EHBP1: variants seen among roughly 807,000 people sequenced by gnomAD.
The protein encoded by EHBP1 is EH domain binding protein 1.
EHBP1 carries 55 observed loss-of-function variants against 144.0 expected under a neutral mutation model. The observed-to-expected ratio is 0.38, with a 90% CI of 0.31 to 0.48. The LOEUF (loss-of-function observed/expected upper bound fraction) is 0.48. Among genes scored for constraint, EHBP1 ranks in the 20% least tolerant of loss-of-function variants. The probability of loss-of-function intolerance (pLI) is 0.98; values close to 1 mark genes in which losing one functional copy is unlikely to be tolerated. For missense variants in EHBP1, 1,200 were observed against 1,364.2 expected, an observed-to-expected ratio of 0.88 and a Z score of 1.90; for synonymous variants, 469 against 472.7, an observed-to-expected ratio of 0.99 and a Z score of 0.10.
Position 62,707,303 on chromosome 2 carries a change from G to A in EHBP1, c.104+8G>A, listed in dbSNP as rs1558524652. ...TGAGTGTACGAAGAAATGGTAAGAT[G>A]TACCTGGAGGTAGATTTTGCTGTGC... On this transcript the variant is annotated splice_region_variant and intron_variant, in intron 2 of 22. Coordinates refer to ENST00000431489, the MANE Select transcript of EHBP1 (RefSeq NM_001142616.3). 6.2e-7 allele frequency: 1 copy of A among 1,600,914 alleles called. No individual in the cohort carries two copies. The highest frequency in any genetic ancestry group is 8.6e-7 in the Non-Finnish European group (1 of 1,167,982).
chr2:62,900,860 C>T (rs2053360397), intron 10 of EHBP1, among the ~76,000 whole-genome samples: 1 of 151,942 alleles, frequency 6.6e-6, no homozygotes, highest in Non-Finnish European at 1.5e-5. Flanking sequence ...GAAATATCTT[C>T]TTGGAAAGTA....
intron 5 of EHBP1, among the ~76,000 whole-genome samples, chr2:62,823,675 A>C (rs2046147118): frequency 6.6e-6 from 1 of 152,012 alleles, no homozygotes; most frequent in Non-Finnish European, 1.5e-5. Context: ...AGATCCCCAT[A>C]TTTTCCCTCA....
chr2:62,762,555 T>C (rs2040847433), intron 3 of EHBP1, among the ~76,000 whole-genome samples: 1 of 152,184 alleles, frequency 6.6e-6, no homozygotes, highest in African/African-American at 2.4e-5. Flanking sequence ...TTGCCTCCTA[T>C]CTGTTAATAG....
intron 5 of EHBP1, among the ~76,000 whole-genome samples, chr2:62,805,841 T>C (rs1164464728): frequency 6.6e-6 from 1 of 152,186 alleles, no homozygotes; most frequent in Non-Finnish European, 1.5e-5. Flanking sequence ...GAGTTTCTTG[T>C]AGACAATATA....
chr2:62,699,934 T>C (rs1231531553), intron 1 of EHBP1, among the ~76,000 whole-genome samples: 3 of 152,226 alleles, frequency 2.0e-5, no homozygotes, highest in African/African-American at 7.2e-5. Flanking sequence ...TTCTAGATGC[T>C]GTGGAGCTGG....
intron 5 of EHBP1, among the ~76,000 whole-genome samples, chr2:62,818,588 C>T (rs2045623022): frequency 6.6e-6 from 1 of 151,964 alleles, no homozygotes; most frequent in Non-Finnish European, 1.5e-5. Flanking sequence ...GACTGTATAG[C>T]CTTAACTGCT....
At chr2:62,701,786 G>A (rs898925261), upstream of EHBP1, among the ~76,000 whole-genome samples, 1 of 152,058 alleles carries the variant, frequency 6.6e-6, no homozygotes, top group Non-Finnish European at 1.5e-5. Context: ...AAGTAAATTT[G>A]TCTGCTGTGG....
chr2:62,762,933 G>C (rs1376207418), intron 3 of EHBP1, among the ~76,000 whole-genome samples: 1 of 151,926 alleles, frequency 6.6e-6, no homozygotes, highest in African/African-American at 2.4e-5. Context: ...GACCTACCAG[G>C]GCCTTATATG....
chr2:62,775,037 A>G (rs2041959677), intron 5 of EHBP1, among the ~76,000 whole-genome samples: 1 of 152,162 alleles, frequency 6.6e-6, no homozygotes, highest in African/African-American at 2.4e-5. Context: ...ATGGAGAAAA[A>G]AGGAAGAGGG....
intron 8 of EHBP1, among the ~76,000 whole-genome samples, chr2:62,859,597 T>C (rs1484087600): frequency 1.3e-5 from 2 of 152,124 alleles, no homozygotes; most frequent in Non-Finnish European, 2.9e-5. Flanking sequence ...GGAGGTAGCT[T>C]CTCTATATGG....
intron 15 of EHBP1, among the ~76,000 whole-genome samples, chr2:62,981,516 T>A (rs1233237035): frequency 2.6e-5 from 4 of 152,160 alleles, no homozygotes; most frequent in Non-Finnish European, 5.9e-5. Flanking sequence ...GACTTGTAAG[T>A]GCTGGGAAGG....
chr2:62,997,316 A>G (rs1299059397), intron 19 of EHBP1, among the ~76,000 whole-genome samples: 1 of 152,114 alleles, frequency 6.6e-6, no homozygotes, highest in African/African-American at 2.4e-5. Context: ...TTGTAAAGAT[A>G]GGTTAGAGCA....
intron 10 of EHBP1, among the ~76,000 whole-genome samples, chr2:62,926,586 A>T (rs1281552507): frequency 6.6e-6 from 1 of 152,174 alleles, no homozygotes; most frequent in Non-Finnish European, 1.5e-5. Context: ...TACATGTCCA[A>T]CATTACTAAT....
chr2:62,939,108 C>T (rs1460533912), intron 10 of EHBP1, among the ~76,000 whole-genome samples: 1 of 152,100 alleles, frequency 6.6e-6, no homozygotes, highest in African/African-American at 2.4e-5. Context: ...AATTCTTGCT[C>T]TTGTGGACAT....
chr2:63,005,487 C>CAAG (rs957239542), intron 19 of EHBP1, among the ~76,000 whole-genome samples: 1 of 152,060 alleles, frequency 6.6e-6, no homozygotes, highest in African/African-American at 2.4e-5. Flanking sequence ...AATCGAGTTC[C>CAAG]ACTTGTGCCT....
intron 19 of EHBP1, among the ~76,000 whole-genome samples, chr2:62,999,332 GA>G (rs1460046593): frequency 6.6e-6 from 1 of 151,842 alleles, no homozygotes; most frequent in Non-Finnish European, 1.5e-5. Context: ...TTGCTGATTT[GA>G]AATTCACATA....
At chr2:62,858,697 A>T (rs1458969953) in intron 7 of EHBP1, among the ~76,000 whole-genome samples, 1 of 152,214 alleles carries the variant, frequency 6.6e-6, no homozygotes, top group African/African-American at 2.4e-5. Context: ...TAGCAAAGTC[A>T]TGTCAGGATC....
chr2:63,023,954 G>T (rs1418391832), intron 19 of EHBP1, among the ~76,000 whole-genome samples: 4 of 152,136 alleles, frequency 2.6e-5, no homozygotes, highest in Admixed American at 2.0e-4. Context: ...ATTTTTAAAA[G>T]TCATAAATAT....
At chr2:62,750,746 T>C (rs1444847506) in intron 3 of EHBP1, among the ~76,000 whole-genome samples, 5 of 152,332 alleles carry the variant, frequency 3.3e-5, no homozygotes, top group Non-Finnish European at 5.9e-5. Context: ...TTTGAAGCAA[T>C]TGTGAATGGG....
Sources: gnomAD v4.1 joint callset for allele counts (sites outside exome capture counted in the v4.1 genomes callset) on GRCh38, gnomAD v4.1.1 for gene constraint, MANE v1.5 for transcripts, NCBI Gene and HGNC (gene_info 2026-07-23, HGNC 2026-07-21) for gene names.